The following MYRFL variants were observed in gnomAD, a reference collection of about 807,000 sequenced individuals.
MYRFL encodes the protein myelin regulatory factor-like protein.
MYRFL carries 88 observed loss-of-function variants against 109.4 expected under a neutral mutation model. That is an observed-to-expected ratio of 0.80 (90% CI 0.68 to 0.96). MYRFL has a LOEUF of 0.96. Among genes scored for constraint, MYRFL ranks in the 40% least tolerant of loss-of-function variants. The probability of loss-of-function intolerance (pLI) is 0.00; values close to 1 mark genes in which losing one functional copy is unlikely to be tolerated. For synonymous variants in MYRFL, 324 were observed against 320.9 expected, an observed-to-expected ratio of 1.01 and a Z score of -0.10; for missense variants, 957 against 954.9, an observed-to-expected ratio of 1.00 and a Z score of -0.03.
At chr12:69,839,949 A>T (rs1246500516) in intron 1 of MYRFL, among the ~76,000 whole-genome samples, 1 of 152,106 alleles carries the variant, frequency 6.6e-6, no homozygotes, top group African/African-American at 2.4e-5. Flanking sequence ...CTAGTTCTGT[A>T]CTCAATACTT....
intron 1 of MYRFL, among the ~76,000 whole-genome samples, chr12:69,843,889 C>T (rs1224364930): frequency 6.6e-6 from 1 of 152,152 alleles, no homozygotes; most frequent in African/African-American, 2.4e-5. Flanking sequence ...CTGTGGCAGC[C>T]CTTCCTAGCT....
Position 69,880,897 on chromosome 12 carries a change from C to T in MYRFL, c.556+605C>T, listed in dbSNP as rs572604469. On this transcript the variant is annotated intron_variant, in intron 5 of 24. Transcript: ENST00000552032. ...CCAGTGGATGTTTGAAATTTGAAAT[C>T]ATTTTAGAAGTCTTTCATCCGAGTC... 9.6e-5 allele frequency among the ~76,000 whole-genome samples: 14 copies of T among 146,184 alleles called. No homozygotes were observed. In the South Asian group the frequency reaches 3.1e-3, roughly 32 times the overall value.
At position 69,850,716 on chromosome 12, in the gene MYRFL, A is replaced by T. The variant is rs560135834; in HGVS notation, c.47-4564A>T. On this transcript the variant is annotated intron_variant, in intron 1 of 24. Coordinates refer to ENST00000552032, the MANE Select transcript of MYRFL (RefSeq NM_182530.3). ...CAGGGTTTATTACTTTTCCATTTTGATCTGTAGCCAAAATCCCCTTAGAAT... is the reference window on the plus strand; with the variant it reads ...CAGGGTTTATTACTTTTCCATTTTGTTCTGTAGCCAAAATCCCCTTAGAAT... 5.9e-5 allele frequency among the ~76,000 whole-genome samples: 9 copies of T among 152,124 alleles called. No homozygotes were observed. In the East Asian group the frequency reaches 1.5e-3, roughly 26 times the overall value.
chr12:69,864,535 C>T (rs988994239), intron 2 of MYRFL, among the ~76,000 whole-genome samples: 2 of 151,904 alleles, frequency 1.3e-5, no homozygotes, highest in African/African-American at 2.4e-5. Flanking sequence ...AACCTGTATG[C>T]AGATATTTCT....
chr12:69,840,425 A>G (rs1235173832), intron 1 of MYRFL, among the ~76,000 whole-genome samples: 1 of 152,184 alleles, frequency 6.6e-6, no homozygotes, highest in Admixed American at 6.5e-5. Context: ...CTATAAATAC[A>G]GCCATTTTTG....
At chr12:69,870,483 A>G (rs1025502518) in intron 2 of MYRFL, among the ~76,000 whole-genome samples, 12 of 152,118 alleles carry the variant, frequency 7.9e-5, no homozygotes, top group Admixed American at 2.0e-4. Flanking sequence ...TTGGCGCACA[A>G]AGACTGAAAC....
At chr12:69,883,024 TG>T (rs1886227370) in intron 5 of MYRFL, among the ~76,000 whole-genome samples, 1 of 152,264 alleles carries the variant, frequency 6.6e-6, no homozygotes, top group African/African-American at 2.4e-5. Flanking sequence ...AAACATATTT[TG>T]AAAGGCATTC....
rs1178146361 is a variant in MYRFL, at chr12:69,958,494, C to T, written c.2696C>T (p.Thr899Ile). ...CCTTATTTTGCTGGGATATTCTTCA[C>T]CGATTACTTCTTTTACTTCTATCGA... ...TDPYFAGIFF[T>I]DYFFYFYRRC... Residue 899 changes from threonine to isoleucine, a missense_variant, in exon 25 of 25, where the codon ACC becomes ATC. By Grantham distance (89) the Thr-to-Ile change is moderately conservative. Coordinates refer to ENST00000552032, the MANE Select transcript of MYRFL (RefSeq NM_182530.3). The T allele has an allele frequency of 2.0e-6, 3 of 1,535,378 alleles. No homozygotes were observed. In the Admixed American group the frequency reaches 5.9e-5, roughly 30 times the overall value.
At chr12:69,922,331 C>G (rs1475144343) in intron 13 of MYRFL, among the ~76,000 whole-genome samples, 1 of 151,866 alleles carries the variant, frequency 6.6e-6, no homozygotes, top group East Asian at 1.9e-4. Context: ...ATAATTTCTG[C>G]CTTATTTTTA....
chr12:69,862,921 C>A (rs1444478104), intron 2 of MYRFL, among the ~76,000 whole-genome samples: 1 of 152,030 alleles, frequency 6.6e-6, no homozygotes, highest in Non-Finnish European at 1.5e-5. Context: ...TGAGATAGGT[C>A]CCATCAATAC....
chr12:69,950,137 T>G (rs1387342165), intron 19 of MYRFL, among the ~76,000 whole-genome samples: 2 of 152,112 alleles, frequency 1.3e-5, no homozygotes, highest in African/African-American at 4.8e-5. Context: ...GTTTTGCTTA[T>G]CTTTAGAGAC....
At chr12:69,850,774 C>T (rs1883832575) in intron 1 of MYRFL, among the ~76,000 whole-genome samples, 1 of 151,976 alleles carries the variant, frequency 6.6e-6, no homozygotes, top group African/African-American at 2.4e-5. Context: ...CATGAATTCG[C>T]TCTTCATCCA....
chr12:69,928,352 C>T (rs937181879), intron 15 of MYRFL, among the ~76,000 whole-genome samples: 2 of 152,200 alleles, frequency 1.3e-5, no homozygotes, highest in African/African-American at 4.8e-5. Context: ...CTGCAATACA[C>T]CCTTTCTAGC....
intron 1 of MYRFL, among the ~76,000 whole-genome samples, chr12:69,835,773 G>A (rs112891009): frequency 7.9e-4 from 121 of 152,280 alleles, no homozygotes; most frequent in African/African-American, 2.6e-3. Flanking sequence ...GCAGTGGCTC[G>A]CTTCTTCAGT....
At chr12:69,890,435 A>G (rs1213868053) in intron 6 of MYRFL, among the ~76,000 whole-genome samples, 1 of 152,234 alleles carries the variant, frequency 6.6e-6, no homozygotes, top group Non-Finnish European at 1.5e-5. Flanking sequence ...TTCATTTGGC[A>G]AGAATTGTAC....
At chr12:69,881,399 T>A (rs1886097446) in intron 5 of MYRFL, among the ~76,000 whole-genome samples, 1 of 152,206 alleles carries the variant, frequency 6.6e-6, no homozygotes, top group South Asian at 2.1e-4. Flanking sequence ...CCTTCTTGGG[T>A]TCCCCCATCC....
chr12:69,957,205 A>G (rs564817682), intron 22 of MYRFL, among the ~76,000 whole-genome samples: 16 of 152,270 alleles, frequency 1.1e-4, no homozygotes, highest in African/African-American at 3.4e-4. Flanking sequence ...TTTAAAATCT[A>G]GTGATTTCTG....
chr12:69,941,953 T>C (rs1565644940), intron 19 of MYRFL, among the ~76,000 whole-genome samples: 1 of 151,162 alleles, frequency 6.6e-6, no homozygotes, highest in African/African-American at 2.5e-5. Context: ...GATAAATTCC[T>C]GGACACATAC....
In MYRFL at chr12:69,910,050, A is replaced by G. The variant is rs773194574; in HGVS notation, c.1465A>G (p.Met489Val). 9.1e-6 allele frequency: 14 copies of G among 1,534,140 alleles called. No individual in the cohort carries two copies. The Admixed American group carries it at 1.4e-4, about 15-fold the overall frequency. ...CTACAAACCTGAATTTGCATCTGCAATGGGAATAAACACTGCCCATCAAAC... is the reference window on the plus strand; with the variant it reads ...CTACAAACCTGAATTTGCATCTGCAGTGGGAATAAACACTGCCCATCAAAC... Reference protein sequence around the residue: ...YDYKPEFASAMGINTAHQTGM... With the variant: ...YDYKPEFASAVGINTAHQTGM... Residue 489 changes from methionine to valine, a missense_variant, in exon 12 of 25, where the codon ATG (methionine) becomes GTG (valine). Physicochemically the swap from Met to Val is conservative, Grantham distance 21. Coordinates refer to ENST00000552032, the MANE Select transcript of MYRFL (RefSeq NM_182530.3).
Sources: gnomAD v4.1 joint callset for allele counts (sites outside exome capture counted in the v4.1 genomes callset) on GRCh38, gnomAD v4.1.1 for gene constraint, MANE v1.5 for transcripts, NCBI Gene and HGNC (gene_info 2026-07-23, HGNC 2026-07-21) for gene names.